Variants in ARF1 observed in about 807,000 individuals in gnomAD.
ARF1 encodes ARF GTPase 1, also known as ADP-ribosylation factor 1.
Under a neutral mutation model 18.0 loss-of-function variants are expected in ARF1, and 1 was observed. The ratio of observed to expected loss-of-function variants is 0.06; its 90% CI spans 0.02 to 0.26. The LOEUF is 0.26. Ranked by LOEUF, ARF1 falls within the 10% of genes least tolerant of loss-of-function variation. ARF1 has a pLI of 1.00. For missense variants in ARF1, 73 were observed against 247.2 expected (o/e 0.30, Z 4.73); for synonymous variants, 112 against 96.3 (o/e 1.16, Z -0.95).
rs2032848579 is a variant in ARF1, at chr1:228,098,724, C to T, written c.*711C>T. ...AGCCACCCCACTATGCCGCAGGCCG[C>T]CCTACCCACCTTCAGGCAGCCTATG... is the stretch of plus-strand genomic sequence containing the variant. On this transcript the variant is annotated 3_prime_UTR_variant, in exon 5 of 5. Coordinates refer to ENST00000272102, the MANE Select transcript of ARF1 (RefSeq NM_001658.4). 1.3e-5 allele frequency: 2 copies of T among 152,846 alleles called. No homozygotes were observed. The highest frequency in any genetic ancestry group is 2.1e-4 in the South Asian group (1 of 4,830). 9.5% of individuals were successfully genotyped at this position (152,846 alleles called of 1,614,324 possible).
chr1:228,098,208 A>G lies in ARF1; in HGVS notation c.*195A>G. ...ATGTAAATAGTTTTTGTTTCCAATG[A>G]GGCAGTTTCTGGTACTCCTATGCAA... On this transcript the variant is annotated 3_prime_UTR_variant, in exon 5 of 5. Coordinates refer to ENST00000272102, the MANE Select transcript of ARF1 (RefSeq NM_001658.4). The G allele has an allele frequency of 1.6e-6, 1 of 613,896 alleles. No homozygotes were observed. The highest frequency in any genetic ancestry group is 2.6e-6 in the Non-Finnish European group (1 of 380,658). 38.0% of individuals were successfully genotyped at this position (613,896 alleles called of 1,614,324 possible).
intron 1 of ARF1, among the ~76,000 whole-genome samples, chr1:228,095,899 T>TTATAAATTTCAGAACTCA (rs951434533): frequency 6.6e-6 from 1 of 152,238 alleles, no homozygotes. Context: ...GTGAAGGTCC[T>TTATAAATTTCAGAACTCA]TATAAATTTC....
intron 1 of ARF1, among the ~76,000 whole-genome samples, chr1:228,088,853 C>G (rs897965285): frequency 2.0e-5 from 3 of 152,200 alleles, no homozygotes; most frequent in African/African-American, 7.2e-5. Flanking sequence ...TGCTGGGATG[C>G]TGTCTCTACT....
At chr1:228,091,660 G>T (rs1212625277) in intron 1 of ARF1, among the ~76,000 whole-genome samples, 1 of 152,188 alleles carries the variant, frequency 6.6e-6, no homozygotes, top group East Asian at 1.9e-4. Context: ...CCTGTGAGAT[G>T]TGTCTGCCTG....
chr1:228,084,332 AT>A (rs1224851725), intron 1 of ARF1, among the ~76,000 whole-genome samples: 2 of 152,246 alleles, frequency 1.3e-5, no homozygotes, highest in Admixed American at 1.3e-4. Flanking sequence ...TGTGTTGTCC[AT>A]GTTTTCACAT....
At position 228,097,724 on chromosome 1, in the gene ARF1, C is replaced by T. The variant is rs754248760; in HGVS notation, c.384+9C>T. 6.2e-7 allele frequency: 1 copy of T among 1,602,414 alleles called. No homozygotes were observed. Among genetic ancestry groups the T allele is most frequent in the Non-Finnish European group, 8.5e-7 (1 of 1,173,378 alleles). ...TGTTCGCCAACAAGCAGGTAGGCGC[C>T]CGGGCCAGCCTGGGGAATGTGAGGA... On this transcript the variant is annotated intron_variant, in intron 4 of 4. Coordinates refer to ENST00000272102, the MANE Select transcript of ARF1 (RefSeq NM_001658.4). The surrounding 1 kb of genome is among the most constrained non-coding windows in gnomAD (Gnocchi z 8.1).
intron 1 of ARF1, chr1:228,090,523 C>G (rs1437910408): frequency 2.6e-5 from 4 of 152,380 alleles, no homozygotes; most frequent in African/African-American, 9.6e-5. Context: ...TTATTCTCAG[C>G]TTGTGTTGTG....
intron 1 of ARF1, chr1:228,091,064 A>G (rs920048576): frequency 6.6e-6 from 1 of 152,230 alleles, no homozygotes; most frequent in Non-Finnish European, 1.5e-5. Context: ...AAATACACAA[A>G]TAAGCAGGTA....
chr1:228,094,967 A>T (rs1241224358), intron 1 of ARF1, among the ~76,000 whole-genome samples: 4 of 151,548 alleles, frequency 2.6e-5, no homozygotes, highest in African/African-American at 9.7e-5. Context: ...CTGGGTCCCC[A>T]CTCTGGAACA....
intron 1 of ARF1, chr1:228,083,304 G>C (rs924109346): frequency 6.6e-6 from 1 of 152,292 alleles, no homozygotes; most frequent in Admixed American, 6.5e-5. Context: ...ACGCCGTCAA[G>C]GTCATGTAGG....
intron 1 of ARF1, among the ~76,000 whole-genome samples, chr1:228,087,021 AGAGT>A (rs1414223029): frequency 6.6e-6 from 1 of 152,324 alleles, no homozygotes; most frequent in South Asian, 2.1e-4. Context: ...CTGTGTTATA[AGAGT>A]GTGTGAGAAA....
At chr1:228,094,445 C>T (rs2032671032) in intron 1 of ARF1, among the ~76,000 whole-genome samples, 1 of 152,092 alleles carries the variant, frequency 6.6e-6, no homozygotes, top group Non-Finnish European at 1.5e-5. Context: ...GCCCTCTTTT[C>T]GTTCCATTTC....
chr1:228,098,345 C>T lies in ARF1; in HGVS notation c.*332C>T. On this transcript the variant is annotated 3_prime_UTR_variant, in exon 5 of 5. Coordinates refer to ENST00000272102, the MANE Select transcript of ARF1 (RefSeq NM_001658.4). ...TCCAGGAGTCGCTGTGTTGGGAGAGCCGGCCACGCCCTTGGCTTTAGAGCT... is the reference window on the plus strand; with the variant it reads ...TCCAGGAGTCGCTGTGTTGGGAGAGTCGGCCACGCCCTTGGCTTTAGAGCT... The T allele has an allele frequency of 4.9e-6, 1 of 206,148 alleles. No individual in the cohort carries two copies. The highest frequency in any genetic ancestry group is 9.6e-6 in the Non-Finnish European group (1 of 103,704). 12.8% of individuals were successfully genotyped at this position (206,148 alleles called of 1,614,324 possible).
At chr1:228,087,136 A>G (rs1401516045) in intron 1 of ARF1, among the ~76,000 whole-genome samples, 3 of 152,256 alleles carry the variant, frequency 2.0e-5, no homozygotes, top group African/African-American at 7.2e-5. Context: ...GATGCCAGCA[A>G]GCTAGAAAGA....
At chr1:228,094,706 G>A (rs912165676) in intron 1 of ARF1, among the ~76,000 whole-genome samples, 5 of 152,156 alleles carry the variant, frequency 3.3e-5, no homozygotes, top group Admixed American at 1.3e-4. Flanking sequence ...TTCTTAGGGA[G>A]GGAGCATGTG....
chr1:228,083,180 CGCGGGGGCCG>C (rs2032274445), intron 1 of ARF1: 1 of 152,086 alleles, frequency 6.6e-6, no homozygotes, highest in Admixed American at 6.5e-5. Flanking sequence ...GATTAGCGGC[CGCGGGGGCCG>C]GTGGGGGTCG....
intron 1 of ARF1, among the ~76,000 whole-genome samples, chr1:228,083,757 T>A (rs1486322999): frequency 2.0e-5 from 3 of 152,254 alleles, no homozygotes; most frequent in Non-Finnish European, 4.4e-5. Flanking sequence ...AGATTGGGGC[T>A]GGACAGCCGT....
rs766057583 is a variant in ARF1, at chr1:228,097,497, GA to G, written c.259+46del. 19 of 1,613,694 alleles carry G rather than the reference GA, an allele frequency of 1.2e-5. No individual in the cohort carries two copies. In the East Asian group the frequency reaches 1.6e-4, roughly 13 times the overall value. On this transcript the variant is annotated intron_variant, in intron 3 of 4. Transcript: ENST00000272102. The surrounding 1 kb of genome is among the most constrained non-coding windows in gnomAD (Gnocchi z 8.1). ...TCCCATGGGCACTCCTGCTTCTAGA[GA>G]GGGGGGGCCAGCCCATAGATGGGGC... is the stretch of plus-strand genomic sequence containing the variant.
At chr1:228,092,093 G>T (rs780413025) in intron 1 of ARF1, among the ~76,000 whole-genome samples, 2 of 152,162 alleles carry the variant, frequency 1.3e-5, no homozygotes, top group African/African-American at 4.8e-5. Context: ...CTGAGATTAT[G>T]AACTATAAAG....
Sources: allele counts gnomAD v4.1 joint callset (sites outside exome capture counted in the v4.1 genomes callset), GRCh38; gene constraint gnomAD v4.1.1; non-coding constraint Gnocchi (gnomAD v3.1); transcripts MANE v1.5; gene names NCBI Gene and HGNC (gene_info 2026-07-23, HGNC 2026-07-21).